MYO1A: variants seen among roughly 807,000 people sequenced by gnomAD.
MYO1A encodes myosin IA, also known as unconventional myosin-Ia.
In MYO1A, 127 loss-of-function variants were observed where a neutral mutation model predicts 138.5. The observed-to-expected ratio is 0.92, with a 90% CI of 0.79 to 1.06. The LOEUF is 1.06. Ranked by LOEUF, MYO1A falls within the 50% of genes least tolerant of loss-of-function variation. The pLI is 0.00. For missense variants in MYO1A, 1,211 were observed against 1,288.8 expected, an observed-to-expected ratio of 0.94 and a Z score of 0.92; for synonymous variants, 477 against 497.5, an observed-to-expected ratio of 0.96 and a Z score of 0.55.
chr12:57,046,395 G>C (rs1012514670), intron 8 of MYO1A, among the ~76,000 whole-genome samples, 157 bp downstream of exon 8: 1 of 152,096 alleles, frequency 6.6e-6, no homozygotes, highest in Non-Finnish European at 1.5e-5. Flanking sequence ...ATGAGTGGGT[G>C]AGGCTGAGAA....
intron 4 of MYO1A, 53 bp downstream of exon 4, chr12:57,047,574 A>C (rs2031162275): frequency 6.3e-7 from 1 of 1,590,288 alleles, no homozygotes. Flanking sequence ...GCAAAGAGAC[A>C]AGGAAGCAGT....
rs765830662 is a variant in MYO1A at position 57,030,288 on chromosome 12, G to C, written c.2513C>G (p.Pro838Arg). ...TTCCCTCAGGATCTCTACCTGCTTC[G>C]GGGACAGCTGATCCCGGAACCTCTT... ...KCKRFRDQLS[P>R]KQVEILREKL... The change falls in exon 24 of 28, where the codon CCG becomes CGG. Residue 838 changes from proline to arginine, a missense_variant. Physicochemically the swap from Pro to Arg is moderately radical, Grantham distance 103. Coordinates refer to ENST00000300119, the MANE Select transcript of MYO1A (RefSeq NM_005379.4). 1.9e-6 allele frequency: 3 copies of C among 1,614,102 alleles called. No homozygotes were observed. Among genetic ancestry groups the C allele is most frequent in the South Asian group, 2.2e-5 (2 of 91,070 alleles).
At chr12:57,037,708 C>G in intron 18 of MYO1A, 67 bp from the exon 19 acceptor site, 1 of 1,543,388 alleles carries the variant, frequency 6.5e-7, no homozygotes, top group South Asian at 1.1e-5. Context: ...CCACCTTTCC[C>G]CTAATCCTTT....
chr12:57,046,067 G>C (rs887843300), intron 8 of MYO1A, among the ~76,000 whole-genome samples: 21 of 152,190 alleles, frequency 1.4e-4, no homozygotes, highest in African/African-American at 4.6e-4. Context: ...GTGAATGAAT[G>C]AATGAAAAGA....
rs145245907 is a variant in MYO1A, at chr12:57,043,116, G to A, written c.1054C>T (p.Arg352Cys). 1.5e-5 allele frequency: 24 copies of A among 1,614,016 alleles called. No individual in the cohort carries two copies. Among genetic ancestry groups the A allele is most frequent in the East Asian group, 2.2e-5 (1 of 44,896 alleles). ...CGATTCACTATCCAGTCAAAGAGGCGGCTGTAGATGTTCTTAGCCAGGGCG... is the reference window on the plus strand; with the variant it reads ...CGATTCACTATCCAGTCAAAGAGGCAGCTGTAGATGTTCTTAGCCAGGGCG... Reference protein sequence around the residue: ...RDALAKNIYSRLFDWIVNRIN... With the variant: ...RDALAKNIYSCLFDWIVNRIN... The change falls in exon 12 of 28, where the codon CGC becomes TGC. Residue 352 changes from arginine (R) to cysteine (C), a missense_variant. Arg to Cys is a radical substitution (Grantham distance 180, BLOSUM62 -3). Transcript: ENST00000300119.
In MYO1A at chr12:57,043,256, G is replaced by A. The variant is rs1322523418; in HGVS notation, c.995C>T (p.Ala332Val). ...METAKEKVVT[A>V]LNVMQAQYAR... The stretch of plus-strand genomic sequence containing the variant: ...GCTCCTTACCTGCATAACATTCAGT[G>A]CAGTGACCACCTTTTCCTTGGCTGT... Residue 332 changes from alanine to valine, a missense_variant, in exon 11 of 28, where the codon GCA becomes GTA. Coordinates refer to ENST00000300119, the MANE Select transcript of MYO1A (RefSeq NM_005379.4). 6.2e-7 allele frequency: 1 copy of A among 1,614,158 alleles called. No homozygotes were observed. The highest frequency in any genetic ancestry group is 8.5e-7 in the Non-Finnish European group (1 of 1,179,984).
chr12:57,048,123 T>C lies in MYO1A; in HGVS notation c.115-19A>G. ...TGTAGGTCTGGAGCCAGGAAGAAGG[T>C]GAAGGGAATGAGCTTGAGGGTGAGG... On this transcript the variant is annotated intron_variant, in intron 2 of 27. Transcript: ENST00000300119. The C allele has an allele frequency of 6.2e-7, 1 of 1,609,440 alleles. No individual in the cohort carries two copies. Among genetic ancestry groups the C allele is most frequent in the Non-Finnish European group, 8.5e-7 (1 of 1,175,772 alleles).
At position 57,030,247 on chromosome 12, in the gene MYO1A, C is replaced by T. The variant is rs2030210710; in HGVS notation, c.2554G>A (p.Glu852Lys). Residue 852 changes from glutamate to lysine, a missense_variant, in exon 24 of 28, where the codon GAA becomes AAA. Transcript: ENST00000300119. ...GAAGCCTTCTTGCCCTTGAACAGTT[C>T]ACTGGCACAGAGCTTTTCCCTCAGG... ...EILREKLCAS[E>K]LFKGKKASYP... 6.2e-7 allele frequency: 1 copy of T among 1,614,216 alleles called. No individual in the cohort carries two copies. Among genetic ancestry groups the T allele is most frequent in the Non-Finnish European group, 8.5e-7 (1 of 1,180,040 alleles).
chr12:57,034,226 C>G (rs918598435), intron 22 of MYO1A, among the ~76,000 whole-genome samples: 1 of 152,188 alleles, frequency 6.6e-6, no homozygotes. Context: ...TTACCACTTA[C>G]AGCTGTGGAA....
Position 57,048,204 on chromosome 12 carries a change from A to C in MYO1A, c.114+6T>G. ...CCACAGCCAGAGGCACCCATATGAC[A>C]CTCACATAAATCTCCTTGTTTTCAT... On this transcript the variant is annotated splice_donor_region_variant and intron_variant, in intron 2 of 27. Coordinates refer to ENST00000300119, the MANE Select transcript of MYO1A (RefSeq NM_005379.4). The C allele has an allele frequency of 6.2e-7, 1 of 1,611,876 alleles. No homozygotes were observed. Among genetic ancestry groups the C allele is most frequent in the South Asian group, 1.1e-5 (1 of 91,026 alleles).
At position 57,029,440 on chromosome 12, in the gene MYO1A, T is replaced by C. The variant is rs184810732; in HGVS notation, c.2872A>G (p.Ser958Gly). 143 of 1,613,920 alleles carry C rather than the reference T, an allele frequency of 8.9e-5. 1 individual carries two copies. In the East Asian group the frequency reaches 1.4e-3, roughly 16 times the overall value. The change falls in exon 26 of 28, where the codon AGT becomes GGT. Residue 958 changes from serine to glycine, a missense_variant. Transcript: ENST00000300119. ...LKDGLFSLHL[S>G]EMSSVGSKGD... ...GCCCCACCCAGCTCTGATACCTCAC[T>C]CAGATGCAAGCTAAAGAGCCCATCC...
In MYO1A at chr12:57,036,293, C is replaced by T; in HGVS notation, c.2349+14G>A. On this transcript the variant is annotated intron_variant, in intron 22 of 27. Transcript: ENST00000300119. ...GCTCCATCCCTAACATCCACCCTAA[C>T]CCCTACCACTTACCATGCTCTTGTA... 1 of 1,613,026 alleles carries T rather than the reference C, an allele frequency of 6.2e-7. No individual in the cohort carries two copies.
At chr12:57,046,516 C>A in intron 8 of MYO1A, 36 bp downstream of exon 8, 1 of 1,539,496 alleles carries the variant, frequency 6.5e-7, no homozygotes, top group South Asian at 1.1e-5. Flanking sequence ...TGCCATGTGT[C>A]ACTCATGAGG....
rs1303915863 is a variant in MYO1A, at chr12:57,028,651, C to T, written c.*104G>A. On this transcript the variant is annotated 3_prime_UTR_variant, in exon 28 of 28. Transcript: ENST00000300119. ...AGGGTAGTTTAATCCCCAAGCCATG[C>T]GCCACGATCAGAGGGGTTAGAGATC... The T allele has an allele frequency of 3.6e-5, 54 of 1,490,048 alleles. No individual in the cohort carries two copies. Among genetic ancestry groups the T allele is most frequent in the Non-Finnish European group, 4.2e-5 (46 of 1,092,100 alleles). The allele number at this position is 1,490,048 out of a possible 1,614,324, so 92.3% of individuals were successfully genotyped here. A position where few individuals can be genotyped will look rare whatever the true frequency, so the allele number is the denominator to read the frequency against.
At chr12:57,040,891 T>C (rs1351676428) in intron 14 of MYO1A, among the ~76,000 whole-genome samples, 1 of 152,132 alleles carries the variant, frequency 6.6e-6, no homozygotes, top group Non-Finnish European at 1.5e-5. Context: ...CCAGAAGAAA[T>C]GTCCTTTTTA....
At chr12:57,032,730 G>C (rs1358035506) in intron 22 of MYO1A, among the ~76,000 whole-genome samples, 1 of 152,172 alleles carries the variant, frequency 6.6e-6, no homozygotes, top group Non-Finnish European at 1.5e-5. Flanking sequence ...CAGGAAGAGA[G>C]AGGATCAGAG....
intron 22 of MYO1A, among the ~76,000 whole-genome samples, chr12:57,033,892 G>A (rs1430021041): frequency 6.6e-6 from 1 of 152,226 alleles, no homozygotes; most frequent in Non-Finnish European, 1.5e-5. Context: ...TGCAGGTCTA[G>A]TGGGTTTGGT....
At chr12:57,050,832 A>G (rs2031310532), upstream of MYO1A, 1 of 152,226 alleles carries the variant, frequency 6.6e-6, no homozygotes. Flanking sequence ...AAAACTAGGA[A>G]CAAACACCAG....
chr12:57,038,563 T>C lies in MYO1A; in HGVS notation c.1609A>G (p.Lys537Glu), dbSNP rs1162022121. The C allele has an allele frequency of 6.2e-7, 1 of 1,614,162 alleles. No individual in the cohort carries two copies. Among genetic ancestry groups the C allele is most frequent in the Admixed American group, 1.7e-5 (1 of 60,030 alleles). The change falls in exon 17 of 28, where the codon AAG becomes GAG. Residue 537 changes from lysine (K) to glutamate (E), a missense_variant. Physicochemically the swap from Lys to Glu is moderately conservative, Grantham distance 56. Coordinates refer to ENST00000300119, the MANE Select transcript of MYO1A (RefSeq NM_005379.4). ...GACCGAAGGAGGGGGTGCTGGGCCT[T>C]CCACATGGCCTGCAACAGGTCTCGG... The part of the protein sequence containing the change: ...LFRDLLQAMW[K>E]AQHPLLRSLF...
Sources: gnomAD v4.1 joint callset for allele counts (sites outside exome capture counted in the v4.1 genomes callset) on GRCh38, gnomAD v4.1.1 for gene constraint, MANE v1.5 for transcripts, NCBI Gene and HGNC (gene_info 2026-07-23, HGNC 2026-07-21) for gene names.